Variants in PLPPR1 observed in about 807,000 individuals in gnomAD.
PLPPR1 encodes the protein phospholipid phosphatase-related protein type 1.
In PLPPR1, 10 loss-of-function variants were observed where a neutral mutation model predicts 33.1. That is an observed-to-expected ratio of 0.30 (90% CI 0.19 to 0.51). The LOEUF (loss-of-function observed/expected upper bound fraction) is 0.51. Among genes scored for constraint, PLPPR1 ranks in the 20% least tolerant of loss-of-function variants. The pLI is 0.97. For synonymous variants in PLPPR1, 151 were observed against 151.0 expected, an observed-to-expected ratio of 1.00 and a Z score of 0.00; for missense variants, 304 against 408.1, an observed-to-expected ratio of 0.74 and a Z score of 2.20.
intron 1 of PLPPR1, among the ~76,000 whole-genome samples, chr9:101,131,829 A>G (rs773250664): frequency 1.2e-4 from 18 of 152,220 alleles, no homozygotes; most frequent in Admixed American, 2.0e-4. Context: ...ACCTGGGTTC[A>G]GTTTTTAGCT....
Position 101,048,070 on chromosome 9 carries a change from G to T in PLPPR1, c.-46+18968G>T, listed in dbSNP as rs553919271. Among the ~76,000 whole-genome samples, 79 of 152,296 alleles carry T rather than the reference G, an allele frequency of 5.2e-4. 1 individual carries two copies. Among genetic ancestry groups the T allele is most frequent in the Non-Finnish European group, 9.3e-4 (63 of 68,022 alleles). On this transcript the variant is annotated intron_variant, in intron 1 of 7. Transcript: ENST00000374874. Reference sequence around the variant, plus strand: ...AAAAAATGTGTTGACTTGACTGACTGAGTGAATCACCTGCTCCTTTATCGC... The same window carrying T: ...AAAAAATGTGTTGACTTGACTGACTTAGTGAATCACCTGCTCCTTTATCGC...
At chr9:101,099,237 A>G (rs551134956) in intron 1 of PLPPR1, among the ~76,000 whole-genome samples, 12 of 152,114 alleles carry the variant, frequency 7.9e-5, no homozygotes, top group Non-Finnish European at 1.6e-4. Flanking sequence ...TGCTATTATG[A>G]TGGAGAAAGT....
At chr9:101,054,503 G>C (rs117947956) in intron 1 of PLPPR1, among the ~76,000 whole-genome samples, 1 of 152,154 alleles carries the variant, frequency 6.6e-6, no homozygotes, top group Non-Finnish European at 1.5e-5. Flanking sequence ...TGGTATTGGC[G>C]TACTGGCATT....
In PLPPR1 at chr9:101,120,672, C is replaced by T. The variant is rs555958442; in HGVS notation, c.-45-64778C>T. On this transcript the variant is annotated intron_variant, in intron 1 of 7. Coordinates refer to ENST00000374874, the MANE Select transcript of PLPPR1 (RefSeq NM_207299.2). ...GATGATTACACCACCATATGCTCCC[C>T]TCCTTCAACAGATGTAAGTGTGGGG... Among the ~76,000 whole-genome samples the T allele has an allele frequency of 3.9e-5, 6 of 152,340 alleles. No individual in the cohort carries two copies. In the East Asian group the frequency reaches 9.6e-4, roughly 24 times the overall value.
intron 2 of PLPPR1, among the ~76,000 whole-genome samples, chr9:101,240,703 G>A (rs1827446681): frequency 6.6e-6 from 1 of 152,028 alleles, no homozygotes; most frequent in African/African-American, 2.4e-5. Flanking sequence ...TAAGCAAGCA[G>A]TGTCAGACGA....
At chr9:101,096,731 T>C (rs1035174462) in intron 1 of PLPPR1, among the ~76,000 whole-genome samples, 1 of 152,178 alleles carries the variant, frequency 6.6e-6, no homozygotes, top group African/African-American at 2.4e-5. Context: ...AATATCAGTG[T>C]GTAATGTTGG....
chr9:101,096,054 A>G lies in PLPPR1; in HGVS notation c.-46+66952A>G, dbSNP rs545819564. Among the ~76,000 whole-genome samples the G allele has an allele frequency of 3.9e-5, 6 of 152,296 alleles. No individual in the cohort carries two copies. In the South Asian group the frequency reaches 1.2e-3, roughly 32 times the overall value. On this transcript the variant is annotated intron_variant, in intron 1 of 7. Coordinates refer to ENST00000374874, the MANE Select transcript of PLPPR1 (RefSeq NM_207299.2). ...CACATTCAAATCCAGTAAAAGCCTT[A>G]CAATTGCTGGAACAATTTTCTTCAA...
chr9:101,127,290 G>A (rs866667304), intron 1 of PLPPR1, among the ~76,000 whole-genome samples: 7 of 152,186 alleles, frequency 4.6e-5, no homozygotes, highest in African/African-American at 1.7e-4. Context: ...TGTGTGATCA[G>A]ACCCAACACC....
intron 1 of PLPPR1, among the ~76,000 whole-genome samples, chr9:101,154,611 G>A (rs559811299): frequency 1.3e-5 from 2 of 152,060 alleles, no homozygotes; most frequent in African/African-American, 2.4e-5. Flanking sequence ...CCCATTACTG[G>A]GTATATACTC....
chr9:101,135,826 A>G (rs1041334887), intron 1 of PLPPR1, among the ~76,000 whole-genome samples: 1 of 152,102 alleles, frequency 6.6e-6, no homozygotes, highest in East Asian at 1.9e-4. Flanking sequence ...TACATTTTTC[A>G]GTTTTCCCTT....
At chr9:101,205,983 G>A (rs911839540) in intron 2 of PLPPR1, among the ~76,000 whole-genome samples, 1 of 152,190 alleles carries the variant, frequency 6.6e-6, no homozygotes, top group African/African-American at 2.4e-5. Flanking sequence ...ACTGTCAACT[G>A]ATGGTGGGAA....
chr9:101,242,240 CTTTTTT>C (rs529626978), intron 2 of PLPPR1, among the ~76,000 whole-genome samples: 1 of 138,206 alleles, frequency 7.2e-6, no homozygotes, highest in Admixed American at 7.4e-5. Flanking sequence ...AGCTGGAATT[CTTTTTT>C]TTTTTTTTTC....
intron 1 of PLPPR1, among the ~76,000 whole-genome samples, chr9:101,108,413 A>G (rs7022352): frequency 0.38 from 58,008 of 152,094 alleles, 11,387 homozygotes; most frequent in Non-Finnish European, 0.44. Flanking sequence ...TGTTTGTTGA[A>G]TGAAATAAAA....
chr9:101,317,351 C>A lies in PLPPR1; in HGVS notation c.814-14C>A, dbSNP rs373336326. 34 of 1,608,742 alleles carry A rather than the reference C, an allele frequency of 2.1e-5. No individual in the cohort carries two copies. The highest frequency in any genetic ancestry group is 5.4e-5 in the African/African-American group (4 of 74,536). ...GCAGTCTGACCCCATTCTTTTTTCC[C>A]CCTCATCCTGCAGGGAATGTGTGTG... On this transcript the variant is annotated splice_polypyrimidine_tract_variant and intron_variant, in intron 6 of 7. Coordinates refer to ENST00000374874, the MANE Select transcript of PLPPR1 (RefSeq NM_207299.2).
At chr9:101,192,539 A>G (rs1826315051) in intron 2 of PLPPR1, among the ~76,000 whole-genome samples, 1 of 152,158 alleles carries the variant, frequency 6.6e-6, no homozygotes, top group South Asian at 2.1e-4. Context: ...AAGGGGGGAA[A>G]AAAAACGTGG....
intron 3 of PLPPR1, among the ~76,000 whole-genome samples, chr9:101,277,838 A>G (rs1463047840): frequency 1.3e-5 from 2 of 152,194 alleles, no homozygotes; most frequent in East Asian, 3.9e-4. Flanking sequence ...AAGTACAAAC[A>G]GAAAACATAG....
At chr9:101,284,959 T>C (rs1475059240) in intron 3 of PLPPR1, among the ~76,000 whole-genome samples, 1 of 152,158 alleles carries the variant, frequency 6.6e-6, no homozygotes, top group Non-Finnish European at 1.5e-5. Context: ...TGGAATCCAA[T>C]TGACGTGTAT....
chr9:101,268,638 G>A (rs1490513985), intron 2 of PLPPR1, among the ~76,000 whole-genome samples: 2 of 152,128 alleles, frequency 1.3e-5, no homozygotes, highest in African/African-American at 4.8e-5. Flanking sequence ...GTGTGGCCTT[G>A]GATTAGTCAT....
chr9:101,108,607 T>C (rs1831009423), intron 1 of PLPPR1, among the ~76,000 whole-genome samples: 1 of 152,230 alleles, frequency 6.6e-6, no homozygotes, highest in Non-Finnish European at 1.5e-5. Context: ...TTGGTCACCT[T>C]AAGACAGCAA....
Sources: gnomAD v4.1 joint callset for allele counts (sites outside exome capture counted in the v4.1 genomes callset) on GRCh38, gnomAD v4.1.1 for gene constraint, MANE v1.5 for transcripts, NCBI Gene and HGNC (gene_info 2026-07-23, HGNC 2026-07-21) for gene names.